The following GHR variants were observed in gnomAD, a reference collection of about 807,000 sequenced individuals.
GHR encodes the protein GH receptor.
In GHR, 35 loss-of-function variants were observed where a neutral mutation model predicts 67.1. The ratio of observed to expected loss-of-function variants is 0.52; its 90% CI spans 0.40 to 0.69. The LOEUF is 0.69. Among genes scored for constraint, GHR ranks in the 30% least tolerant of loss-of-function variants. GHR has a pLI of 0.00. For synonymous variants in GHR, 272 were observed against 269.1 expected (o/e 1.01, Z -0.10); for missense variants, 792 against 764.6 (o/e 1.04, Z -0.42).
chr5:42,687,176 G>A (rs1328504936), intron 3 of GHR, among the ~76,000 whole-genome samples: 1 of 152,134 alleles, frequency 6.6e-6, no homozygotes, highest in East Asian at 1.9e-4. Flanking sequence ...AATAAGAGAG[G>A]ACACAAACAA....
At chr5:42,556,647 G>A (rs1423840589) in intron 1 of GHR, among the ~76,000 whole-genome samples, 2 of 152,302 alleles carry the variant, frequency 1.3e-5, no homozygotes, top group African/African-American at 2.4e-5. Context: ...GTTCAAATAA[G>A]CGGCCATGCA....
chr5:42,465,831 T>C (rs957759335), intron 1 of GHR: 7 of 768,388 alleles, frequency 9.1e-6, no homozygotes, highest in Non-Finnish European at 1.7e-5. Flanking sequence ...TGACCTTGAA[T>C]AGGTCGGTCA....
chr5:42,709,309 A>T (rs1273085011), intron 6 of GHR, among the ~76,000 whole-genome samples: 1 of 152,094 alleles, frequency 6.6e-6, no homozygotes, highest in Non-Finnish European at 1.5e-5. Context: ...AATACAGCTA[A>T]TTTTTGTATT....
chr5:42,615,016 A>T (rs1753073099), intron 2 of GHR, among the ~76,000 whole-genome samples: 1 of 152,078 alleles, frequency 6.6e-6, no homozygotes, highest in Non-Finnish European at 1.5e-5. Context: ...GTGATGGCTG[A>T]AATTGAATAT....
At chr5:42,587,229 CT>C (rs1490651515) in intron 2 of GHR, among the ~76,000 whole-genome samples, 2 of 152,002 alleles carry the variant, frequency 1.3e-5, no homozygotes, top group Non-Finnish European at 2.9e-5. Context: ...AGGCATTATG[CT>C]TTTCTGAGGA....
intron 3 of GHR, among the ~76,000 whole-genome samples, chr5:42,663,019 C>T (rs544179833): frequency 1.3e-5 from 2 of 152,104 alleles, no homozygotes; most frequent in African/African-American, 2.4e-5. Context: ...TTCCTCAACA[C>T]ATACACCCTC....
At chr5:42,449,967 A>G (rs1743976811) in intron 1 of GHR, among the ~76,000 whole-genome samples, 1 of 152,056 alleles carries the variant, frequency 6.6e-6, no homozygotes, top group South Asian at 2.1e-4. Flanking sequence ...CATCCCTGGT[A>G]TGAAACCACT....
intron 3 of GHR, among the ~76,000 whole-genome samples, chr5:42,672,705 T>C (rs1756376660): frequency 6.6e-6 from 1 of 152,156 alleles, no homozygotes; most frequent in African/African-American, 2.4e-5. Flanking sequence ...AAGAATGTAA[T>C]ATTCAAATAT....
chr5:42,612,331 G>A (rs1752930319), intron 2 of GHR, among the ~76,000 whole-genome samples: 3 of 152,156 alleles, frequency 2.0e-5, no homozygotes, highest in African/African-American at 7.2e-5. Context: ...ATAACTTTCG[G>A]ATAGGATGTT....
At chr5:42,508,882 GTGTTTGATGTCAC>G (rs926903626) in intron 1 of GHR, among the ~76,000 whole-genome samples, 3 of 152,106 alleles carry the variant, frequency 2.0e-5, no homozygotes, top group African/African-American at 7.2e-5. Context: ...CCAGAAGTTT[GTGTTTGATGTCAC>G]TGTTGTTTCA....
At chr5:42,640,899 A>T (rs974023905) in intron 3 of GHR, among the ~76,000 whole-genome samples, 11 of 152,220 alleles carry the variant, frequency 7.2e-5, no homozygotes, top group African/African-American at 2.6e-4. Flanking sequence ...GGCAACAGAT[A>T]GCTTAGGTTG....
intron 3 of GHR, among the ~76,000 whole-genome samples, chr5:42,646,752 A>G (rs1754750512): frequency 6.6e-6 from 1 of 152,138 alleles, no homozygotes; most frequent in Non-Finnish European, 1.5e-5. Flanking sequence ...TCCTGCAGCA[A>G]GCAAACCAAA....
intron 1 of GHR, among the ~76,000 whole-genome samples, chr5:42,440,885 C>T (rs745494621): frequency 1.1e-4 from 16 of 152,124 alleles, no homozygotes; most frequent in Non-Finnish European, 2.2e-4. Context: ...GCTTCTTCAA[C>T]TGAGTGGAAA....
At chr5:42,690,033 G>GTATAT (rs1352579797) in intron 4 of GHR, among the ~76,000 whole-genome samples, 2 of 152,100 alleles carry the variant, frequency 1.3e-5, no homozygotes, top group African/African-American at 4.8e-5. Context: ...CTCTCACTGT[G>GTATAT]TATATTTTTC....
At chr5:42,578,914 T>C (rs748760573) in intron 2 of GHR, among the ~76,000 whole-genome samples, 1 of 152,070 alleles carries the variant, frequency 6.6e-6, no homozygotes, top group Non-Finnish European at 1.5e-5. Context: ...CGTACAGCAA[T>C]AAATATCAGA....
chr5:42,490,384 G>T (rs914770229), intron 1 of GHR, among the ~76,000 whole-genome samples: 1 of 152,216 alleles, frequency 6.6e-6, no homozygotes, highest in Non-Finnish European at 1.5e-5. Flanking sequence ...GTGTCATGCT[G>T]TACAATCGAA....
chr5:42,706,839 T>C (rs1249385272), intron 6 of GHR, among the ~76,000 whole-genome samples: 1 of 151,510 alleles, frequency 6.6e-6, no homozygotes, highest in African/African-American at 2.4e-5. Context: ...GGGTTTATTC[T>C]TTTTAGTTAG....
intron 2 of GHR, among the ~76,000 whole-genome samples, chr5:42,624,225 G>A (rs541699798): frequency 9.9e-5 from 15 of 152,138 alleles, no homozygotes; most frequent in African/African-American, 3.6e-4. Flanking sequence ...ATTAAATGCT[G>A]GTTTGTGAAG....
chr5:42,647,357 G>A (rs946921382), intron 3 of GHR, among the ~76,000 whole-genome samples: 3 of 151,948 alleles, frequency 2.0e-5, no homozygotes, highest in Non-Finnish European at 4.4e-5. Context: ...GGTGGATCAC[G>A]AGATCAGGAA....
Sources: gnomAD v4.1 joint callset for allele counts (sites outside exome capture counted in the v4.1 genomes callset) on GRCh38, gnomAD v4.1.1 for gene constraint, MANE v1.5 for transcripts, NCBI Gene and HGNC (gene_info 2026-07-23, HGNC 2026-07-21) for gene names.